Variants in SPINK1 observed in about 807,000 individuals in gnomAD.
SPINK1 encodes the protein serine peptidase inhibitor Kazal type 1.
In SPINK1, 5 loss-of-function variants were observed where a neutral mutation model predicts 9.5. The ratio of observed to expected loss-of-function variants is 0.52; its 90% CI spans 0.27 to 1.10. The LOEUF is 1.10. Among genes scored for constraint, SPINK1 ranks in the 50% least tolerant of loss-of-function variants. The pLI, the probability that SPINK1 is intolerant of heterozygous loss-of-function variation, is 0.11. For synonymous variants in SPINK1, 37 were observed against 32.3 expected (o/e 1.14, Z -0.49); for missense variants, 88 against 92.7 (o/e 0.95, Z 0.21).
At chr5:147,828,001 G>A (rs1756439764) in intron 3 of SPINK1, 21 bp downstream of exon 3, 1 of 1,569,386 alleles carries the variant, frequency 6.4e-7, no homozygotes, top group Non-Finnish European at 8.7e-7. Flanking sequence ...TAGTTTAAAA[G>A]AAACTCAAGT....
upstream of SPINK1, among the ~76,000 whole-genome samples, chr5:147,834,071 G>A (rs77733708): frequency 0.041 from 6,240 of 151,946 alleles, 414 homozygotes; most frequent in African/African-American, 0.14. Context: ...CCTATTGTAC[G>A]ATCTTCATAA....
chr5:147,824,705 T>G lies in SPINK1; in HGVS notation c.196A>C (p.Lys66Gln). The change falls in exon 4 of 4, where the codon AAA becomes CAA. Residue 66 changes from lysine (K) to glutamine (Q), a missense_variant and splice_region_variant. Lys to Gln is a moderately conservative substitution (Grantham distance 53, BLOSUM62 1). Transcript: ENST00000296695. ...NECVLCFENR[K>Q]RQTSILIQKS... ...TGAATGAGGATAGAAGTCTGGCGTT[T>G]CCTGCAGTAGAGATTAAAAAAAATA... The G allele has an allele frequency of 6.2e-7, 1 of 1,613,994 alleles. No individual in the cohort carries two copies.
intron 2 of SPINK1, among the ~76,000 whole-genome samples, chr5:147,828,528 A>G (rs1424723978): frequency 1.3e-5 from 2 of 152,132 alleles, no homozygotes. Context: ...TTCCTTGTAC[A>G]CTGTAGTCCA....
At chr5:147,834,445 T>C (rs1325511757), upstream of SPINK1, among the ~76,000 whole-genome samples, 3 of 152,158 alleles carry the variant, frequency 2.0e-5, no homozygotes, top group South Asian at 2.1e-4. Context: ...GAAATGGATA[T>C]GATGTCTGCC....
upstream of SPINK1, among the ~76,000 whole-genome samples, chr5:147,834,321 C>T (rs1179425513): frequency 2.0e-5 from 3 of 152,120 alleles, no homozygotes; most frequent in East Asian, 3.9e-4. Flanking sequence ...CCGGTGCCTC[C>T]GGTTGAGTAG....
intron 3 of SPINK1, among the ~76,000 whole-genome samples, chr5:147,825,055 A>G (rs1561604226): frequency 6.6e-6 from 1 of 152,170 alleles, no homozygotes; most frequent in Non-Finnish European, 1.5e-5. Flanking sequence ...CCAGGTTTCC[A>G]TCTCAGCTGA....
In SPINK1 at chr5:147,829,915, G is replaced by A. The variant is rs149299379; in HGVS notation, c.56-285C>T. On this transcript the variant is annotated intron_variant, in intron 1 of 3. Transcript: ENST00000296695. ...CTATTTCCTTGAAAACAGAAATTAT[G>A]CACTTACTGCTGGAAATGAATCAGG... is the stretch of plus-strand genomic sequence containing the variant. Among the ~76,000 whole-genome samples, 487 of 152,260 alleles carry A rather than the reference G, an allele frequency of 3.2e-3. 2 individuals are homozygous for A. The highest frequency in any genetic ancestry group is 0.011 in the African/African-American group (456 of 41,540).
At chr5:147,831,907 G>A (rs1183622825), upstream of SPINK1, 1 of 950,122 alleles carries the variant, frequency 1.1e-6, no homozygotes, top group Non-Finnish European at 1.4e-6. Context: ...TCTCAAGCCT[G>A]TTTTCTCACC....
At chr5:147,831,775 A>G, upstream of SPINK1, 2 of 1,430,084 alleles carry the variant, frequency 1.4e-6, no homozygotes, top group Non-Finnish European at 1.8e-6. Flanking sequence ...TCACCTGTGT[A>G]AGAAAGGTGA....
At chr5:147,830,785 T>G (rs999423914) in intron 1 of SPINK1, among the ~76,000 whole-genome samples, 3 of 152,208 alleles carry the variant, frequency 2.0e-5, no homozygotes, top group Admixed American at 2.0e-4. Context: ...TTGAAAATGT[T>G]AACCATTTCC....
chr5:147,827,511 A>T (rs72836910), intron 3 of SPINK1: 187 of 156,572 alleles, frequency 1.2e-3, no homozygotes, highest in Middle Eastern at 3.4e-3. Context: ...TAAGACAGGG[A>T]ATATTAGCAT....
upstream of SPINK1, among the ~76,000 whole-genome samples, chr5:147,833,922 C>T (rs1254139939): frequency 6.6e-6 from 1 of 152,074 alleles, no homozygotes; most frequent in Non-Finnish European, 1.5e-5. Flanking sequence ...TTCTCTGTTA[C>T]CCTTTACTAG....
chr5:147,834,475 G>A (rs1756561327), upstream of SPINK1, among the ~76,000 whole-genome samples: 1 of 152,072 alleles, frequency 6.6e-6, no homozygotes. Context: ...TTTAGTCTTA[G>A]CATTGATAGA....
chr5:147,831,440 T>A, intron 1 of SPINK1, 83 bp downstream of exon 1: 1 of 1,549,148 alleles, frequency 6.5e-7, no homozygotes, highest in South Asian at 1.1e-5. Flanking sequence ...CTAGACTACA[T>A]CAAAAGTCTA....
At chr5:147,824,963 C>T (rs564299838) in intron 3 of SPINK1, among the ~76,000 whole-genome samples, 5 of 152,284 alleles carry the variant, frequency 3.3e-5, no homozygotes, top group East Asian at 3.9e-4. Context: ...TTACAGATCT[C>T]GTGGGGTGTT....
At chr5:147,825,535 G>A (rs779021036) in intron 3 of SPINK1, among the ~76,000 whole-genome samples, 4 of 150,966 alleles carry the variant, frequency 2.6e-5, no homozygotes, top group South Asian at 2.1e-4. Flanking sequence ...TCCACCTCCC[G>A]GGTTCAAGTG....
upstream of SPINK1, among the ~76,000 whole-genome samples, chr5:147,836,090 T>A (rs115510740): frequency 0.014 from 2,103 of 152,158 alleles, 61 homozygotes; most frequent in African/African-American, 0.048. Context: ...ATTACATTGA[T>A]TACATCCTCC....
At chr5:147,832,471 T>C (rs1756525340), upstream of SPINK1, among the ~76,000 whole-genome samples, 1 of 152,214 alleles carries the variant, frequency 6.6e-6, no homozygotes, top group South Asian at 2.1e-4. Flanking sequence ...AGAAAATACG[T>C]AATGTCTCCC....
In SPINK1 at chr5:147,824,618, T is replaced by A; in HGVS notation, c.*43A>T. On this transcript the variant is annotated 3_prime_UTR_variant, in exon 4 of 4. Transcript: ENST00000296695. ...TACATTTATTCAACAATAAGGCCAGTCAGGCCTCGCGGTGACCTGATGGGA... is the reference window on the plus strand; with the variant it reads ...TACATTTATTCAACAATAAGGCCAGACAGGCCTCGCGGTGACCTGATGGGA... 1 of 1,594,272 alleles carries A rather than the reference T, an allele frequency of 6.3e-7. No individual in the cohort carries two copies. The highest frequency in any genetic ancestry group is 8.6e-7 in the Non-Finnish European group (1 of 1,162,144).
Sources: allele counts gnomAD v4.1 joint callset (sites outside exome capture counted in the v4.1 genomes callset), GRCh38; gene constraint gnomAD v4.1.1; transcripts MANE v1.5; gene names NCBI Gene and HGNC (gene_info 2026-07-23, HGNC 2026-07-21).